The following CDH24 variants were observed in gnomAD, a reference collection of about 807,000 sequenced individuals.
CDH24 encodes cadherin 24.
In CDH24, 61 loss-of-function variants were observed where a neutral mutation model predicts 71.2. That is an observed-to-expected ratio of 0.86 (90% CI 0.70 to 1.06). The LOEUF (loss-of-function observed/expected upper bound fraction) is 1.06, where lower values mean the gene tolerates loss of function less well. CDH24 is among the 50% of genes least tolerant of loss of function. The probability of loss-of-function intolerance (pLI) is 0.00; values close to 1 mark genes in which losing one functional copy is unlikely to be tolerated. For missense variants in CDH24, 961 were observed against 1,083.7 expected (o/e 0.89, Z 1.59); for synonymous variants, 440 against 470.2 (o/e 0.94, Z 0.83).
In CDH24 at chr14:23,054,161, C is replaced by G; in HGVS notation, c.952G>C (p.Gly318Arg). ...SISTDLQGRD[G>R]LLTVRKPLDF... ...CTAACCTTGCGGACAGTGAGGAGCC[C>G]GTCTCGACCCTGCAAGTCTGTGCTG... Residue 318 changes from glycine (G) to arginine (R), a missense_variant, in exon 6 of 13, where the codon GGG becomes CGG. Gly to Arg is a moderately radical substitution (Grantham distance 125). This residue lies in a region of CDH24 where 671 missense variants were observed against 810.9 expected (regional missense o/e 0.83). Coordinates refer to ENST00000487137, the MANE Select transcript of CDH24 (RefSeq NM_144985.4). The surrounding 1 kb of genome is among the most constrained non-coding windows in gnomAD (Gnocchi z 5.2). 1 of 1,605,460 alleles carries G rather than the reference C, an allele frequency of 6.2e-7. No homozygotes were observed. Among genetic ancestry groups the G allele is most frequent in the Non-Finnish European group, 8.5e-7 (1 of 1,175,166 alleles).
Position 23,054,706 on chromosome 14 carries a change from C to T in CDH24, c.617-33G>A, listed in dbSNP as rs2047112398. 6.2e-7 allele frequency: 1 copy of T among 1,613,892 alleles called. No homozygotes were observed. Among genetic ancestry groups the T allele is most frequent in the South Asian group, 1.1e-5 (1 of 91,080 alleles). ...GAGATGCTGGTCAGAGGGTGTCTGT[C>T]CCCTTGGCTGCCCCACCGGGCTCCC... On this transcript the variant is annotated intron_variant, in intron 4 of 12. Transcript: ENST00000487137. This position sits in a 1 kb window ranked among gnomAD's most constrained non-coding sequence, Gnocchi z 5.2.
chr14:23,050,493 CCACACACA>C lies in CDH24; in HGVS notation c.1364-558_1364-551del, dbSNP rs10553168. Among the ~76,000 whole-genome samples, 1,098 of 144,870 alleles carry C rather than the reference CCACACACA, an allele frequency of 7.6e-3. 5 individuals carry two copies. The highest frequency in any genetic ancestry group is 9.7e-3 in the Non-Finnish European group (633 of 65,532). ...TGGGGTGGACAGACACATATACACA[CCACACACA>C]CACACACACACACACACACACACAC... is the stretch of plus-strand genomic sequence containing the variant. On this transcript the variant is annotated intron_variant, in intron 8 of 12. Transcript: ENST00000487137.
chr14:23,052,382 A>G (rs540588009), intron 8 of CDH24, 91 bp downstream of exon 8: 2 of 1,401,894 alleles, frequency 1.4e-6, no homozygotes, highest in East Asian at 2.3e-5. Flanking sequence ...TGAGGGTGCG[A>G]TGGCAGTTAG....
chr14:23,054,345 G>A lies in CDH24; in HGVS notation c.785-17C>T, dbSNP rs1438817264. Reference sequence around the variant, plus strand: ...GGTATAGGCCTTGGGATGACAGAGGGGAGACACCTTCTCAGAGAGGTCCCC... The same window carrying A: ...GGTATAGGCCTTGGGATGACAGAGGAGAGACACCTTCTCAGAGAGGTCCCC... On this transcript the variant is annotated splice_polypyrimidine_tract_variant and intron_variant, in intron 5 of 12. Coordinates refer to ENST00000487137, the MANE Select transcript of CDH24 (RefSeq NM_144985.4). This position sits in a 1 kb window ranked among gnomAD's most constrained non-coding sequence, Gnocchi z 5.2. 5.8e-6 allele frequency: 9 copies of A among 1,563,336 alleles called. No individual in the cohort carries two copies. The highest frequency in any genetic ancestry group is 7.8e-6 in the Non-Finnish European group (9 of 1,151,580).
Position 23,055,960 on chromosome 14 carries a change from T to C in CDH24, c.-124-103A>G, listed in dbSNP as rs2047126902. ...ACCTCCAAGGAACCAGACACTCCAC[T>C]GCCCAGAACTCAGACTAAGACAGAG... On this transcript the variant is annotated intron_variant, in intron 1 of 12. Transcript: ENST00000487137. This position sits in a 1 kb window ranked among gnomAD's most constrained non-coding sequence, Gnocchi z 4.1. The C allele has an allele frequency of 1.9e-6, 1 of 536,552 alleles. No homozygotes were observed. The highest frequency in any genetic ancestry group is 3.1e-5 in the Admixed American group (1 of 31,946). 33.2% of individuals were successfully genotyped at this position (536,552 alleles called of 1,614,324 possible).
chr14:23,054,105 G>A lies in CDH24; in HGVS notation c.972+36C>T, dbSNP rs142911245. On this transcript the variant is annotated intron_variant, in intron 6 of 12. Coordinates refer to ENST00000487137, the MANE Select transcript of CDH24 (RefSeq NM_144985.4). This position sits in a 1 kb window ranked among gnomAD's most constrained non-coding sequence, Gnocchi z 5.2. ...GTGCCCTGTGGGTCGGCAGGAGGCA[G>A]GTCTAAGAGAAAGCATTAACAGGCA... is the stretch of plus-strand genomic sequence containing the variant. 343 of 1,549,758 alleles carry A rather than the reference G, an allele frequency of 2.2e-4. 2 individuals carry two copies. The East Asian group carries it at 7.7e-3, about 35-fold the overall frequency.
chr14:23,049,379 C>T, intron 10 of CDH24, 104 bp from the exon 11 acceptor site: 1 of 1,157,192 alleles, frequency 8.6e-7, no homozygotes, highest in Non-Finnish European at 1.2e-6. Flanking sequence ...CCCCATAGAG[C>T]CAGCCCATAG....
intron 8 of CDH24, 64 bp downstream of exon 8, chr14:23,052,409 C>T (rs904624116): frequency 6.3e-7 from 1 of 1,590,130 alleles, no homozygotes; most frequent in Non-Finnish European, 8.6e-7. Context: ...TCTCCACCCC[C>T]ACACCCAGGG....
chr14:23,048,061 G>A lies in CDH24; in HGVS notation c.2265C>T (p.Pro755=). ...GACCCCAGTCGTCCAGCGGCTCCGC[G>A]GGGCCGGGGGCGCCGCCGGCTTCGC... ...SGSEAGGAPG[P]AEPLDDWGPL... The change falls in exon 12 of 13, where the codon CCC becomes CCT. Residue 755 remains proline (P), a synonymous_variant. Transcript: ENST00000487137. 7.0e-7 allele frequency: 1 copy of A among 1,435,330 alleles called. No individual in the cohort carries two copies. The highest frequency in any genetic ancestry group is 9.1e-7 in the Non-Finnish European group (1 of 1,099,246). The allele number at this position is 1,435,330 out of a possible 1,614,324, so 88.9% of individuals were successfully genotyped here.
At chr14:23,052,729 C>T in intron 7 of CDH24, 120 bp from the exon 8 acceptor site, 1 of 1,035,904 alleles carries the variant, frequency 9.7e-7, no homozygotes. Flanking sequence ...CTGGGTAGAG[C>T]CATAATTCAG....
rs2047112978 is a variant in CDH24, at chr14:23,054,769, G to A, written c.594C>T (p.Phe198=). Residue 198 remains phenylalanine (F), a synonymous_variant, in exon 4 of 13, where the codon TTC becomes TTT. Transcript: ENST00000487137. The surrounding 1 kb of genome is among the most constrained non-coding windows in gnomAD (Gnocchi z 5.2). ...CACCAGTCTGGGGGTCCACAGAGAA[G>A]AAAGGCAGTCCATCCAGAACAGTGT... ...LVYTVLDGLP[F]FSVDPQTGVV... The A allele has an allele frequency of 1.2e-6, 2 of 1,614,106 alleles. No homozygotes were observed. The highest frequency in any genetic ancestry group is 1.7e-6 in the Non-Finnish European group (2 of 1,180,016).
At chr14:23,049,366 GC>G in intron 10 of CDH24, 91 bp from the exon 11 acceptor site, 2 of 1,278,192 alleles carry the variant, frequency 1.6e-6, no homozygotes, top group Non-Finnish European at 2.1e-6. Context: ...CATAGAGCCA[GC>G]CCCCCATAGA....
intron 11 of CDH24, 74 bp downstream of exon 11, chr14:23,048,953 C>T (rs1471849286): frequency 1.3e-6 from 2 of 1,534,742 alleles, no homozygotes; most frequent in South Asian, 2.5e-5. Flanking sequence ...TTCCCTGTGT[C>T]CAGAGGCCTG....
At chr14:23,052,275 T>C in intron 8 of CDH24, 198 bp downstream of exon 8, 1 of 753,728 alleles carries the variant, frequency 1.3e-6, no homozygotes, top group Non-Finnish European at 2.3e-6. Flanking sequence ...CCGCCCTGCC[T>C]GGTAGCAAGG....
At position 23,049,272 on chromosome 14, in the gene CDH24, C is replaced by T. The variant is rs1178978257; in HGVS notation, c.1601G>A (p.Gly534Asp). 14 of 1,569,934 alleles carry T rather than the reference C, an allele frequency of 8.9e-6. No homozygotes were observed. The East Asian group carries it at 3.0e-4, about 34-fold the overall frequency. The change falls in exon 11 of 13, where the codon GGC (glycine) becomes GAC (aspartate). Residue 534 changes from glycine to aspartate, a missense_variant. By Grantham distance (94) the Gly-to-Asp change is moderately conservative. Around this residue, in one of 2 missense-constraint regions of CDH24, gnomAD observed 671 missense variants for 810.9 expected, o/e 0.83. Coordinates refer to ENST00000487137, the MANE Select transcript of CDH24 (RefSeq NM_144985.4). ...ANFTVQDNRD[G>D]SASLLLPSRP... Reference sequence around the variant, plus strand: ...GGAGGGCAGCAGCAGGCTGGCGGAGCCATCTGTGGGAGAGGGAAGGTGTTG... The same window carrying T: ...GGAGGGCAGCAGCAGGCTGGCGGAGTCATCTGTGGGAGAGGGAAGGTGTTG...
Position 23,055,201 on chromosome 14 carries a change from C to A in CDH24, c.354G>T (p.Leu118=), listed in dbSNP as rs2047118543. 1 of 1,614,048 alleles carries A rather than the reference C, an allele frequency of 6.2e-7. No individual in the cohort carries two copies. The highest frequency in any genetic ancestry group is 1.3e-5 in the African/African-American group (1 of 74,912). ...TGGAGGCTCGGTCCACGGCTTGGGC[C>A]AGTAGCACATATTGCGCCTTTTCCT... is the stretch of plus-strand genomic sequence containing the variant. The part of the protein sequence containing the change: ...DREEKAQYVL[L]AQAVDRASNR... The change falls in exon 3 of 13, where the codon CTG becomes CTT. Residue 118 remains leucine (L), a synonymous_variant. Coordinates refer to ENST00000487137, the MANE Select transcript of CDH24 (RefSeq NM_144985.4). The surrounding 1 kb of genome is among the most constrained non-coding windows in gnomAD (Gnocchi z 4.1).
Position 23,055,822 on chromosome 14 carries a change from G to T in CDH24, c.-89C>A, listed in dbSNP as rs1407440672. 4.4e-6 allele frequency: 5 copies of T among 1,140,176 alleles called. No individual in the cohort carries two copies. The highest frequency in any genetic ancestry group is 6.1e-6 in the Non-Finnish European group (5 of 821,628). 70.6% of individuals were successfully genotyped at this position (1,140,176 alleles called of 1,614,324 possible). On this transcript the variant is annotated 5_prime_UTR_variant, in exon 2 of 13. Transcript: ENST00000487137. The surrounding 1 kb of genome is among the most constrained non-coding windows in gnomAD (Gnocchi z 4.1). ...GGCCCATGAGCTGGCTGGGGTGGAG[G>T]GGCAGATGCGTTGAGGCTACCCCAT...
Position 23,047,191 on chromosome 14 carries a change from A to G in CDH24, c.*703T>C, listed in dbSNP as rs1038378921. ...CCTACTCCCTCAGGAAGCACACAAGACAATGCCCAGGGCTGGGATGCCCAG... is the reference window on the plus strand; with the variant it reads ...CCTACTCCCTCAGGAAGCACACAAGGCAATGCCCAGGGCTGGGATGCCCAG... On this transcript the variant is annotated 3_prime_UTR_variant, in exon 13 of 13. Coordinates refer to ENST00000487137, the MANE Select transcript of CDH24 (RefSeq NM_144985.4). 6.6e-6 allele frequency: 1 copy of G among 152,228 alleles called. No individual in the cohort carries two copies. The highest frequency in any genetic ancestry group is 2.4e-5 in the African/African-American group (1 of 41,428). The allele number at this position is 152,228 out of a possible 1,614,324, so 9.4% of individuals were successfully genotyped here. A position where few individuals can be genotyped will look rare whatever the true frequency, so the allele number is the denominator to read the frequency against.
chr14:23,049,026 C>A lies in CDH24; in HGVS notation c.1846+1G>T. ...CTATGTACCACTGTGGCCTGACTCACCAAGCAGGGCACCCACACAGGTGAT... is the reference window on the plus strand; with the variant it reads ...CTATGTACCACTGTGGCCTGACTCAACAAGCAGGGCACCCACACAGGTGAT... On this transcript the variant is annotated splice_donor_variant, in intron 11 of 12. Coordinates refer to ENST00000487137, the MANE Select transcript of CDH24 (RefSeq NM_144985.4). LOFTEE classifies it high-confidence loss of function. 1 of 1,611,306 alleles carries A rather than the reference C, an allele frequency of 6.2e-7. No homozygotes were observed. Among genetic ancestry groups the A allele is most frequent in the South Asian group, 1.1e-5 (1 of 90,848 alleles).
Sources: gnomAD v4.1 joint callset for allele counts (sites outside exome capture counted in the v4.1 genomes callset) on GRCh38, gnomAD v4.1.1 for gene constraint, gnomAD v4.1.1 regional missense constraint, Gnocchi (gnomAD v3.1) non-coding constraint, MANE v1.5 for transcripts, NCBI Gene and HGNC (gene_info 2026-07-23, HGNC 2026-07-21) for gene names.